MARCHF1: variants seen among roughly 807,000 people sequenced by gnomAD.
MARCHF1 encodes E3 ubiquitin-protein ligase MARCHF1.
Under a neutral mutation model 54.2 loss-of-function variants are expected in MARCHF1, and 40 were observed. That is an observed-to-expected ratio of 0.74 (90% confidence interval 0.57 to 0.96). The LOEUF is 0.96. Among genes scored for constraint, MARCHF1 ranks in the 40% least tolerant of loss-of-function variants. The pLI is 0.00. For synonymous variants in MARCHF1, 236 were observed against 236.3 expected, an observed-to-expected ratio of 1.00 and a Z score of 0.01; for missense variants, 586 against 656.5, an observed-to-expected ratio of 0.89 and a Z score of 1.17.
chr4:164,227,065 C>G (rs991837815), intron 1 of MARCHF1, among the ~76,000 whole-genome samples: 2 of 152,158 alleles, frequency 1.3e-5, no homozygotes, highest in Admixed American at 1.3e-4. Flanking sequence ...GATCCAAAAA[C>G]TATGGCCAAG....
Position 163,528,490 on chromosome 4 carries a change from T to G in MARCHF1, c.*258A>C, listed in dbSNP as rs1738218890. 2.3e-6 allele frequency: 1 copy of G among 441,788 alleles called. No individual in the cohort carries two copies. Among genetic ancestry groups the G allele is most frequent in the Non-Finnish European group, 4.0e-6 (1 of 247,112 alleles). The allele number at this position is 441,788 out of a possible 1,614,324, so 27.4% of individuals were successfully genotyped here. ...AAAGCATTCATTGCCCCAGTAGTTC[T>G]TAATTGTCTTGGAAATCATTCTCTT... On this transcript the variant is annotated 3_prime_UTR_variant, in exon 10 of 10. Transcript: ENST00000514618.
intron 8 of MARCHF1, among the ~76,000 whole-genome samples, chr4:163,556,178 A>G (rs1486742489): frequency 1.3e-5 from 2 of 152,140 alleles, no homozygotes; most frequent in Non-Finnish European, 2.9e-5. Context: ...GGAAGAAGAC[A>G]GCCAAGATTT....
Position 163,815,231 on chromosome 4 carries a change from A to G in MARCHF1, c.111+38790T>C, listed in dbSNP as rs146127830. 5.2e-3 allele frequency among the ~76,000 whole-genome samples: 785 copies of G among 152,320 alleles called. 6 individuals carry two copies. The highest frequency in any genetic ancestry group is 0.017 in the African/African-American group (719 of 41,576). ...TTAAATTGGGACTTAAAAACTCCCT[A>G]AAATCCTAGTGATAATCAATGTGCA... On this transcript the variant is annotated intron_variant, in intron 4 of 9. Transcript: ENST00000514618.
At chr4:164,299,901 T>G (rs996749138) in intron 1 of MARCHF1, among the ~76,000 whole-genome samples, 1 of 152,200 alleles carries the variant, frequency 6.6e-6, no homozygotes, top group Admixed American at 6.5e-5. Context: ...TTTTAAGACC[T>G]AAGTATACTT....
intron 1 of MARCHF1, among the ~76,000 whole-genome samples, chr4:164,119,387 TACAA>T (rs1285374923): frequency 4.7e-5 from 7 of 148,450 alleles, no homozygotes; most frequent in South Asian, 2.1e-4. Context: ...AAATAATAAA[TACAA>T]ATAAAGAAAT....
At chr4:164,345,611 TAATA>T (rs1451158648) in intron 1 of MARCHF1, among the ~76,000 whole-genome samples, 1 of 141,578 alleles carries the variant, frequency 7.1e-6, no homozygotes, top group Non-Finnish European at 1.5e-5. Context: ...ATAATAATAA[TAATA>T]AATTTAAAAG....
chr4:164,116,420 T>A (rs2110752165), intron 1 of MARCHF1, among the ~76,000 whole-genome samples: 1 of 152,286 alleles, frequency 6.6e-6, no homozygotes, highest in African/African-American at 2.4e-5. Context: ...ATATTCTTCT[T>A]CATTTGCATG....
chr4:164,075,822 G>A (rs1399359717), intron 2 of MARCHF1, among the ~76,000 whole-genome samples: 1 of 152,068 alleles, frequency 6.6e-6, no homozygotes, highest in African/African-American at 2.4e-5. Context: ...ATGCACTGAG[G>A]CTGATATGAA....
intron 2 of MARCHF1, among the ~76,000 whole-genome samples, chr4:164,047,426 C>G (rs962839042): frequency 2.6e-5 from 4 of 152,168 alleles, no homozygotes; most frequent in Admixed American, 2.0e-4. Context: ...AGAAACCAGC[C>G]AAATCCACAT....
At chr4:163,932,804 G>A (rs948144015) in intron 3 of MARCHF1, 3 of 610,756 alleles carry the variant, frequency 4.9e-6, no homozygotes, top group Non-Finnish European at 6.4e-6. Context: ...TCGGCACCAT[G>A]GTCCTGGAAT....
chr4:164,136,202 A>G (rs1266374263), intron 1 of MARCHF1, among the ~76,000 whole-genome samples: 1 of 149,370 alleles, frequency 6.7e-6, no homozygotes, highest in Non-Finnish European at 1.5e-5. Context: ...TTGGACAAAA[A>G]CCCACAGCAA....
chr4:163,933,490 A>C (rs569547190), intron 3 of MARCHF1, among the ~76,000 whole-genome samples: 1 of 152,354 alleles, frequency 6.6e-6, no homozygotes, highest in South Asian at 2.1e-4. Flanking sequence ...ATATAAACAT[A>C]AGCAACTTCC....
chr4:164,328,862 C>T, intron 1 of MARCHF1, among the ~76,000 whole-genome samples: 1 of 152,040 alleles, frequency 6.6e-6, no homozygotes, highest in East Asian at 1.9e-4. Context: ...TTAAATGTGG[C>T]TTTATATATT....
chr4:163,659,431 A>C (rs539470726), intron 5 of MARCHF1, among the ~76,000 whole-genome samples: 68 of 152,260 alleles, frequency 4.5e-4, no homozygotes, highest in African/African-American at 1.5e-3. Flanking sequence ...TAAATGTAAA[A>C]TCTGAAACCG....
intron 3 of MARCHF1, among the ~76,000 whole-genome samples, chr4:163,862,162 G>C (rs1377988498): frequency 6.6e-6 from 1 of 152,024 alleles, no homozygotes; most frequent in Non-Finnish European, 1.5e-5. Context: ...TGAGGTGGTA[G>C]ATACAACGCT....
At chr4:164,364,465 ATTGT>A (rs1730822294) in intron 1 of MARCHF1, among the ~76,000 whole-genome samples, 2 of 152,102 alleles carry the variant, frequency 1.3e-5, no homozygotes, top group African/African-American at 4.8e-5. Flanking sequence ...CACAAAGGAA[ATTGT>A]TTAACTCTGC....
chr4:164,197,226 G>A, intron 1 of MARCHF1: 1 of 1,610,266 alleles, frequency 6.2e-7, no homozygotes, highest in Non-Finnish European at 8.5e-7. Context: ...CGTCATCCAG[G>A]CCCTCCACGT....
chr4:163,942,440 C>A (rs1359456359), intron 3 of MARCHF1, among the ~76,000 whole-genome samples: 2 of 152,164 alleles, frequency 1.3e-5, no homozygotes, highest in African/African-American at 4.8e-5. Context: ...GGACAGCTTC[C>A]TGACTTTATG....
chr4:163,951,584 G>C (rs1294498129), intron 3 of MARCHF1, among the ~76,000 whole-genome samples: 1 of 152,170 alleles, frequency 6.6e-6, no homozygotes. Flanking sequence ...CTACAATCTG[G>C]GAAACAAGGA....
Sources: gnomAD v4.1 joint callset for allele counts (sites outside exome capture counted in the v4.1 genomes callset) on GRCh38, gnomAD v4.1.1 for gene constraint, MANE v1.5 for transcripts, NCBI Gene and HGNC (gene_info 2026-07-23, HGNC 2026-07-21) for gene names.